Variants in NEK7 observed in about 807,000 individuals in gnomAD.
NEK7 encodes the protein serine/threonine-protein kinase Nek7.
Under a neutral mutation model 44.6 loss-of-function variants are expected in NEK7, and 18 were observed. The ratio of observed to expected loss-of-function variants is 0.40; its 90% CI spans 0.28 to 0.60. The LOEUF (loss-of-function observed/expected upper bound fraction) is 0.60, where lower values mean the gene tolerates loss of function less well. Ranked by LOEUF, NEK7 falls within the 20% of genes least tolerant of loss-of-function variation. The pLI, the probability that NEK7 is intolerant of heterozygous loss-of-function variation, is 0.38. For synonymous variants in NEK7, 130 were observed against 121.1 expected, an observed-to-expected ratio of 1.07 and a Z score of -0.48; for missense variants, 256 against 366.5, an observed-to-expected ratio of 0.70 and a Z score of 2.46.
At chr1:198,274,031 G>A (rs1457035756) in intron 5 of NEK7, among the ~76,000 whole-genome samples, 1 of 151,216 alleles carries the variant, frequency 6.6e-6, no homozygotes, top group Non-Finnish European at 1.5e-5. Flanking sequence ...GATATGGATT[G>A]TGTTAGTGGC....
rs61831668 is a variant in NEK7 at position 198,262,231 on chromosome 1, G to A, written c.199-344G>A. On this transcript the variant is annotated intron_variant, in intron 3 of 9. Coordinates refer to ENST00000367385, the MANE Select transcript of NEK7 (RefSeq NM_133494.3). ...AATACTACTATTATCATCCTCATAA[G>A]GTTGTGCAGTACATTTAGCATATAT... Among the ~76,000 whole-genome samples the A allele has an allele frequency of 2.5e-3, 377 of 151,910 alleles. 2 individuals are homozygous for A. The highest frequency in any genetic ancestry group is 3.8e-3 in the Non-Finnish European group (256 of 67,822).
intron 9 of NEK7, among the ~76,000 whole-genome samples, chr1:198,308,203 A>C (rs1014825589): frequency 1.3e-5 from 2 of 152,206 alleles, no homozygotes; most frequent in African/African-American, 4.8e-5. Context: ...AGTATTGAAG[A>C]GAAGCATACA....
At chr1:198,243,210 T>G (rs1010372600) in intron 2 of NEK7, among the ~76,000 whole-genome samples, 2 of 152,342 alleles carry the variant, frequency 1.3e-5, no homozygotes, top group South Asian at 2.1e-4. Context: ...AAAATAACTA[T>G]CCACTGGTTT....
At chr1:198,245,066 TA>T (rs1666797409) in intron 2 of NEK7, 1 of 160,796 alleles carries the variant, frequency 6.2e-6, no homozygotes, top group Non-Finnish European at 1.5e-5. Flanking sequence ...GTTCTTACAA[TA>T]AAATAAACTA....
chr1:198,199,235 C>T (rs1382996128), intron 1 of NEK7, among the ~76,000 whole-genome samples: 1 of 152,228 alleles, frequency 6.6e-6, no homozygotes, highest in Non-Finnish European at 1.5e-5. Flanking sequence ...GAGGTTGCAG[C>T]CAGTCCCCTG....
At chr1:198,305,665 A>C (rs997136497) in intron 9 of NEK7, among the ~76,000 whole-genome samples, 8 of 152,180 alleles carry the variant, frequency 5.3e-5, no homozygotes, top group African/African-American at 1.9e-4. Context: ...CTCTAGTCAT[A>C]ATAATCTGAA....
intron 6 of NEK7, 69 bp from the exon 7 acceptor site, chr1:198,278,885 A>G (rs1462263513): frequency 2.6e-6 from 2 of 770,402 alleles, no homozygotes; most frequent in African/African-American, 3.6e-5. Context: ...CACGAAAAGT[A>G]GTTGTTAATT....
Position 198,297,332 on chromosome 1 carries a change from A to G in NEK7, c.798+92A>G, listed in dbSNP as rs371217816. Reference sequence around the variant, plus strand: ...AATTTTACTTTATCCAAAAATGAAAATGAATGGTATAGGTAGCAGAACTAG... The same window carrying G: ...AATTTTACTTTATCCAAAAATGAAAGTGAATGGTATAGGTAGCAGAACTAG... On this transcript the variant is annotated intron_variant, in intron 9 of 9. Coordinates refer to ENST00000367385, the MANE Select transcript of NEK7 (RefSeq NM_133494.3). 1.1e-5 allele frequency: 17 copies of G among 1,491,754 alleles called. No individual in the cohort carries two copies. In the African/African-American group the frequency reaches 1.7e-4, roughly 15 times the overall value. 92.4% of individuals were successfully genotyped at this position (1,491,754 alleles called of 1,614,324 possible).
At chr1:198,251,708 G>T (rs895719486) in intron 2 of NEK7, among the ~76,000 whole-genome samples, 3 of 151,786 alleles carry the variant, frequency 2.0e-5, no homozygotes, top group Non-Finnish European at 4.4e-5. Flanking sequence ...ATTTCTGTGG[G>T]ATCGGTGGTG....
intron 1 of NEK7, among the ~76,000 whole-genome samples, chr1:198,211,894 T>C (rs1161009897): frequency 6.6e-6 from 1 of 152,142 alleles, no homozygotes; most frequent in Non-Finnish European, 1.5e-5. Flanking sequence ...AGTAGCACCA[T>C]GAACTGAATG....
In NEK7 at chr1:198,165,126, C is replaced by G. The variant is rs191517365; in HGVS notation, c.-29+7850C>G. 9.3e-4 allele frequency among the ~76,000 whole-genome samples: 141 copies of G among 152,342 alleles called. 1 individual carries two copies. The highest frequency in any genetic ancestry group is 3.3e-3 in the African/African-American group (138 of 41,584). On this transcript the variant is annotated intron_variant, in intron 1 of 9. Coordinates refer to ENST00000367385, the MANE Select transcript of NEK7 (RefSeq NM_133494.3). ...CTTACTTTTAATTCTAGTTCTCTTG[C>G]TGTTTCCACCACATTTGTAGTGACT...
chr1:198,270,469 T>C (rs1179557585), intron 5 of NEK7, among the ~76,000 whole-genome samples: 1 of 152,034 alleles, frequency 6.6e-6, no homozygotes, highest in Non-Finnish European at 1.5e-5. Flanking sequence ...ATGAATATTA[T>C]TCTTACAATT....
chr1:198,302,126 C>T (rs556154328), intron 9 of NEK7, among the ~76,000 whole-genome samples: 5 of 152,048 alleles, frequency 3.3e-5, no homozygotes, highest in Non-Finnish European at 5.9e-5. Flanking sequence ...TGACTTTATA[C>T]CTCCAGCCCA....
At chr1:198,301,208 G>A (rs1339927380) in intron 9 of NEK7, among the ~76,000 whole-genome samples, 1 of 152,162 alleles carries the variant, frequency 6.6e-6, no homozygotes, top group Non-Finnish European at 1.5e-5. Flanking sequence ...TTTAAATAGA[G>A]AAGGCATAAG....
At chr1:198,286,460 AC>A (rs1654373278) in intron 7 of NEK7, among the ~76,000 whole-genome samples, 1 of 143,082 alleles carries the variant, frequency 7.0e-6, no homozygotes, top group African/African-American at 2.6e-5. Context: ...TTTTTCTCTT[AC>A]CCCCTCGGTC....
chr1:198,198,387 A>G (rs1665307860), intron 1 of NEK7, among the ~76,000 whole-genome samples: 1 of 152,122 alleles, frequency 6.6e-6, no homozygotes, highest in Non-Finnish European at 1.5e-5. Flanking sequence ...GGTGATAAAT[A>G]CTGATGGGAC....
chr1:198,226,194 A>T (rs925567877), intron 1 of NEK7, among the ~76,000 whole-genome samples: 1 of 152,108 alleles, frequency 6.6e-6, no homozygotes, highest in Admixed American at 6.6e-5. Flanking sequence ...TGAGGGCATG[A>T]TAAGTAATGG....
At chr1:198,271,920 T>TACACACAC (rs569767811) in intron 5 of NEK7, among the ~76,000 whole-genome samples, 2 of 145,302 alleles carry the variant, frequency 1.4e-5, no homozygotes, top group Non-Finnish European at 3.0e-5. Context: ...TATATATATA[T>TACACACAC]ATATACACAC....
intron 1 of NEK7, among the ~76,000 whole-genome samples, chr1:198,180,851 A>G (rs1664743474): frequency 6.6e-6 from 1 of 152,116 alleles, no homozygotes; most frequent in Non-Finnish European, 1.5e-5. Flanking sequence ...TATAGCTCAC[A>G]CATTTTTTAA....
Sources: allele counts gnomAD v4.1 joint callset (sites outside exome capture counted in the v4.1 genomes callset), GRCh38; gene constraint gnomAD v4.1.1; transcripts MANE v1.5; gene names NCBI Gene and HGNC (gene_info 2026-07-23, HGNC 2026-07-21).